BRIP1: variants seen among roughly 807,000 people sequenced by gnomAD.
BRIP1 encodes the protein BRCA1 interacting DNA helicase 1.
A neutral mutation model predicts 119.7 loss-of-function variants in BRIP1; 88 were observed. The ratio of observed to expected loss-of-function variants is 0.74; its 90% CI spans 0.62 to 0.88. BRIP1 has a LOEUF of 0.88. Among genes scored for constraint, BRIP1 ranks in the 40% least tolerant of loss-of-function variants. The pLI, the probability that BRIP1 is intolerant of heterozygous loss-of-function variation, is 0.00. For missense variants in BRIP1, 1,259 were observed against 1,455.4 expected, an observed-to-expected ratio of 0.87 and a Z score of 2.20; for synonymous variants, 443 against 496.5, an observed-to-expected ratio of 0.89 and a Z score of 1.43.
In BRIP1 at chr17:61,857,565, A is replaced by C. The variant is rs2078915744; in HGVS notation, c.206-334T>G. Among the ~76,000 whole-genome samples, 1 of 152,142 alleles carries C rather than the reference A, an allele frequency of 6.6e-6. No homozygotes were observed. The highest frequency in any genetic ancestry group is 2.4e-5 in the African/African-American group (1 of 41,420). ...ATGGTAAAACCCTGTCTCTACTAAA[A>C]ATACAAAAATTAGCCAGGCGTGGTA... On this transcript the variant is annotated intron_variant, in intron 3 of 19. Transcript: ENST00000259008. This position sits in a 1 kb window ranked among gnomAD's most constrained non-coding sequence, Gnocchi z 5.1.
At chr17:61,765,388 TATATATATATATA>T (rs1567798757) in intron 14 of BRIP1, among the ~76,000 whole-genome samples, 7 of 17,444 alleles carry the variant, frequency 4.0e-4, no homozygotes, top group African/African-American at 1.2e-3. Flanking sequence ...ATTATATATA[TATATATATATATA>T]TATATATATA....
rs1036020395 is a variant in BRIP1 at position 61,822,157 on chromosome 17, T to C, written c.628-13400A>G. On this transcript the variant is annotated intron_variant, in intron 6 of 19. Transcript: ENST00000259008. This position sits in a 1 kb window ranked among gnomAD's most constrained non-coding sequence, Gnocchi z 4.4. The stretch of plus-strand genomic sequence containing the variant: ...CCCTATAAGCGTTACATAAAATTAG[T>C]AAATGACAAAAAATAAAAGACAATA... 6.6e-6 allele frequency among the ~76,000 whole-genome samples: 1 copy of C among 152,060 alleles called. No individual in the cohort carries two copies. The highest frequency in any genetic ancestry group is 2.4e-5 in the African/African-American group (1 of 41,402).
intron 6 of BRIP1, among the ~76,000 whole-genome samples, chr17:61,833,670 CAAAA>C (rs34789764): frequency 8.3e-6 from 1 of 121,178 alleles, no homozygotes. Context: ...GACTCCACCT[CAAAA>C]AAAAAAAAAA....
chr17:61,711,392 A>C (rs1206730182), intron 17 of BRIP1, among the ~76,000 whole-genome samples: 1 of 152,228 alleles, frequency 6.6e-6, no homozygotes, highest in Non-Finnish European at 1.5e-5. Context: ...ATTCAAAAAA[A>C]AAATGTCAAT....
rs1204144628 is a variant in BRIP1 at position 61,724,524 on chromosome 17, C to T, written c.2380-8461G>A. Among the ~76,000 whole-genome samples, 1 of 152,082 alleles carries T rather than the reference C, an allele frequency of 6.6e-6. No individual in the cohort carries two copies. Among genetic ancestry groups the T allele is most frequent in the Non-Finnish European group, 1.5e-5 (1 of 67,988 alleles). ...CCTTTTTAAAGTTTATCAGTAGCTT[C>T]TGAAAAAATAAATGGTGTGATAAAT... On this transcript the variant is annotated intron_variant, in intron 16 of 19. Transcript: ENST00000259008. This position sits in a 1 kb window ranked among gnomAD's most constrained non-coding sequence, Gnocchi z 5.1.
rs1567813429 is a variant in BRIP1 at position 61,780,878 on chromosome 17, C to A, written c.1756G>T (p.Val586Phe). The change falls in exon 12 of 20, where the codon GTT (valine) becomes TTT (phenylalanine). Residue 586 changes from valine to phenylalanine, a missense_variant. This residue lies in a region of BRIP1 where 753 missense variants were observed against 891.8 expected (regional missense o/e 0.84). Coordinates refer to ENST00000259008, the MANE Select transcript of BRIP1 (RefSeq NM_032043.3). The surrounding 1 kb of genome is among the most constrained non-coding windows in gnomAD (Gnocchi z 5.4). ...AAGCACCAAAAGTTTAGCACATGAA[C>A]TGCAGTTTTCTGTCGTGAACGTTTC... is the stretch of plus-strand genomic sequence containing the variant. ...NKKRSRQKTA[V>F]HVLNFWCLNP... The A allele has an allele frequency of 6.2e-7, 1 of 1,614,194 alleles. No homozygotes were observed. Among genetic ancestry groups the A allele is most frequent in the Non-Finnish European group, 8.5e-7 (1 of 1,180,028 alleles).
intron 6 of BRIP1, among the ~76,000 whole-genome samples, chr17:61,830,019 G>A (rs1049297312): frequency 3.3e-5 from 5 of 151,144 alleles, no homozygotes; most frequent in African/African-American, 7.3e-5. Context: ...TGCAGGCTCC[G>A]CCTCCTGGGT....
At chr17:61,733,436 G>A (rs2076877377) in intron 16 of BRIP1, among the ~76,000 whole-genome samples, 1 of 152,080 alleles carries the variant, frequency 6.6e-6, no homozygotes, top group South Asian at 2.1e-4. Flanking sequence ...ATGGTTTAAT[G>A]TGCTTTATTA....
chr17:61,822,429 G>T lies in BRIP1; in HGVS notation c.628-13672C>A, dbSNP rs6504074. Among the ~76,000 whole-genome samples the T allele has an allele frequency of 0.35, 53,849 of 151,932 alleles. 10,702 individuals carry two copies. Among genetic ancestry groups the T allele is most frequent in the African/African-American group, 0.53 (21,984 of 41,412 alleles). Reference sequence around the variant, plus strand: ...TACTCAATTTGATAAGATTTTTGTCGTACTAATAGATCCAGTTATGTGCCC... The same window carrying T: ...TACTCAATTTGATAAGATTTTTGTCTTACTAATAGATCCAGTTATGTGCCC... On this transcript the variant is annotated intron_variant, in intron 6 of 19. Transcript: ENST00000259008. This position sits in a 1 kb window ranked among gnomAD's most constrained non-coding sequence, Gnocchi z 4.4.
At position 61,801,386 on chromosome 17, in the gene BRIP1, T is replaced by G. The variant is rs1430929794; in HGVS notation, c.1007A>C (p.Asp336Ala). Residue 336 changes from aspartate (D) to alanine (A), a missense_variant, in exon 8 of 20, where the codon GAT becomes GCT. Asp to Ala is a moderately radical substitution (Grantham distance 126). Around this residue, in one of 3 missense-constraint regions of BRIP1, gnomAD observed 501 missense variants for 544.0 expected, o/e 0.92. Coordinates refer to ENST00000259008, the MANE Select transcript of BRIP1 (RefSeq NM_032043.3). Reference protein sequence around the residue: ...QTFQGMCKAWDIEELVSLGKK... With the variant: ...QTFQGMCKAWAIEELVSLGKK... ...CCCCAGGCTGACAAGTTCTTCTATA[T>G]CCCAGGCTTTGCACATCCCTTGGAA... 1 of 1,614,026 alleles carries G rather than the reference T, an allele frequency of 6.2e-7. No individual in the cohort carries two copies. The highest frequency in any genetic ancestry group is 8.5e-7 in the Non-Finnish European group (1 of 1,179,918).
In BRIP1 at chr17:61,834,861, G is replaced by A. The variant is rs921408529; in HGVS notation, c.627+12240C>T. Among the ~76,000 whole-genome samples the A allele has an allele frequency of 6.6e-6, 1 of 152,186 alleles. No individual in the cohort carries two copies. Among genetic ancestry groups the A allele is most frequent in the African/African-American group, 2.4e-5 (1 of 41,430 alleles). On this transcript the variant is annotated intron_variant, in intron 6 of 19. Transcript: ENST00000259008. The surrounding 1 kb of genome is among the most constrained non-coding windows in gnomAD (Gnocchi z 4.4). ...GACCTGCAGTTGACCACAGACACATGAGTAGGCCACCTGAGATCAGCAGAA... is the reference window on the plus strand; with the variant it reads ...GACCTGCAGTTGACCACAGACACATAAGTAGGCCACCTGAGATCAGCAGAA...
chr17:61,696,782 G>A (rs567695781), intron 17 of BRIP1, among the ~76,000 whole-genome samples: 7 of 151,170 alleles, frequency 4.6e-5, no homozygotes, highest in East Asian at 3.9e-4. Flanking sequence ...TCAGGAGATC[G>A]ATACCATCCT....
intron 6 of BRIP1, among the ~76,000 whole-genome samples, chr17:61,817,926 A>T (rs1398782719): frequency 6.6e-6 from 1 of 152,226 alleles, no homozygotes; most frequent in Non-Finnish European, 1.5e-5. Flanking sequence ...GTAGACTAGT[A>T]AACTACTTTT....
Position 61,742,397 on chromosome 17 carries a change from A to C in BRIP1, c.2379+616T>G, listed in dbSNP as rs1386056797. Among the ~76,000 whole-genome samples, 1 of 152,218 alleles carries C rather than the reference A, an allele frequency of 6.6e-6. No individual in the cohort carries two copies. The highest frequency in any genetic ancestry group is 6.5e-5 in the Admixed American group (1 of 15,274). On this transcript the variant is annotated intron_variant, in intron 16 of 19. Transcript: ENST00000259008. The surrounding 1 kb of genome is among the most constrained non-coding windows in gnomAD (Gnocchi z 4.7). ...TGAAGAACTTTTCCTTTGCATTCACAATATGGCTAATTGGTTGGTGCAAGA... is the reference window on the plus strand; with the variant it reads ...TGAAGAACTTTTCCTTTGCATTCACCATATGGCTAATTGGTTGGTGCAAGA...
rs189172444 is a variant in BRIP1 at position 61,819,240 on chromosome 17, G to A, written c.628-10483C>T. Among the ~76,000 whole-genome samples, 18 of 151,476 alleles carry A rather than the reference G, an allele frequency of 1.2e-4. 1 individual carries two copies. The East Asian group carries it at 2.7e-3, about 23-fold the overall frequency. On this transcript the variant is annotated intron_variant, in intron 6 of 19. Transcript: ENST00000259008. ...AACACAAGCAATAACAAATGCTGGC[G>A]AGGATGTGGAGAAAAGGGAACCCTC... is the stretch of plus-strand genomic sequence containing the variant.
At chr17:61,692,235 G>T (rs954368213) in intron 18 of BRIP1, among the ~76,000 whole-genome samples, 1 of 152,192 alleles carries the variant, frequency 6.6e-6, no homozygotes, top group Non-Finnish European at 1.5e-5. Context: ...AAATTATCCA[G>T]TCTTGGTATT....
In BRIP1 at chr17:61,742,022, G is replaced by A. The variant is rs946922354; in HGVS notation, c.2379+991C>T. Among the ~76,000 whole-genome samples, 5 of 152,164 alleles carry A rather than the reference G, an allele frequency of 3.3e-5. No individual in the cohort carries two copies. The highest frequency in any genetic ancestry group is 1.9e-4 in the East Asian group (1 of 5,188). ...CTACACTGAAAATCTGTTGTTTTGC[G>A]TAGCCACCTTCATCAATTATCTTGG... On this transcript the variant is annotated intron_variant, in intron 16 of 19. Transcript: ENST00000259008. The surrounding 1 kb of genome is among the most constrained non-coding windows in gnomAD (Gnocchi z 4.7).
rs569536393 is a variant in BRIP1 at position 61,769,999 on chromosome 17, C to A, written c.2097+6402G>T. On this transcript the variant is annotated intron_variant, in intron 14 of 19. Coordinates refer to ENST00000259008, the MANE Select transcript of BRIP1 (RefSeq NM_032043.3). This position sits in a 1 kb window ranked among gnomAD's most constrained non-coding sequence, Gnocchi z 4.9. Reference sequence around the variant, plus strand: ...CCAAGAAAAACCCTACTGTTTCGGGCAGGAGGAGGGAAAAAAACAACCATT... The same window carrying A: ...CCAAGAAAAACCCTACTGTTTCGGGAAGGAGGAGGGAAAAAAACAACCATT... Among the ~76,000 whole-genome samples, 1 of 152,264 alleles carries A rather than the reference C, an allele frequency of 6.6e-6. No homozygotes were observed. The highest frequency in any genetic ancestry group is 2.1e-4 in the South Asian group (1 of 4,818).
intron 11 of BRIP1, among the ~76,000 whole-genome samples, chr17:61,783,191 A>G (rs1478912853): frequency 6.6e-6 from 1 of 152,224 alleles, no homozygotes. Flanking sequence ...TGGTATATAC[A>G]TACAATGGAG....
Sources: gnomAD v4.1 joint callset for allele counts (sites outside exome capture counted in the v4.1 genomes callset) on GRCh38, gnomAD v4.1.1 for gene constraint, gnomAD v4.1.1 regional missense constraint, Gnocchi (gnomAD v3.1) non-coding constraint, MANE v1.5 for transcripts, NCBI Gene and HGNC (gene_info 2026-07-23, HGNC 2026-07-21) for gene names.